The following PRMT3 variants were observed in gnomAD, a reference collection of about 807,000 sequenced individuals.
PRMT3 encodes the protein protein arginine methyltransferase 3.
In PRMT3, 62 loss-of-function variants were observed where a neutral mutation model predicts 71.9. The observed-to-expected ratio is 0.86, with a 90% CI of 0.70 to 1.07. The LOEUF (loss-of-function observed/expected upper bound fraction) is 1.07. Ranked by LOEUF, PRMT3 falls within the 50% of genes least tolerant of loss-of-function variation. The pLI is 0.00. For synonymous variants in PRMT3, 213 were observed against 220.4 expected, an observed-to-expected ratio of 0.97 and a Z score of 0.30; for missense variants, 663 against 643.0, an observed-to-expected ratio of 1.03 and a Z score of -0.34.
intron 13 of PRMT3, among the ~76,000 whole-genome samples, chr11:20,478,978 A>C (rs1850865022): frequency 6.6e-6 from 1 of 152,250 alleles, no homozygotes; most frequent in African/African-American, 2.4e-5. Flanking sequence ...CAATTATTAA[A>C]ACACATCTGT....
At chr11:20,413,255 T>G (rs1310841598) in intron 9 of PRMT3, among the ~76,000 whole-genome samples, 1 of 152,174 alleles carries the variant, frequency 6.6e-6, no homozygotes, top group African/African-American at 2.4e-5. Flanking sequence ...ATGCCTTCTA[T>G]TCCTCTGTGA....
chr11:20,471,326 T>C (rs776801710), intron 13 of PRMT3, among the ~76,000 whole-genome samples: 7 of 152,210 alleles, frequency 4.6e-5, no homozygotes, highest in African/African-American at 9.6e-5. Flanking sequence ...CTAGATTTTC[T>C]TCTGGGGTTT....
chr11:20,489,356 C>G (rs1194490318), intron 13 of PRMT3, among the ~76,000 whole-genome samples: 1 of 152,070 alleles, frequency 6.6e-6, no homozygotes, highest in African/African-American at 2.4e-5. Flanking sequence ...AAGATATATA[C>G]GTGAGACAAA....
At chr11:20,414,807 C>T (rs1849266765) in intron 9 of PRMT3, among the ~76,000 whole-genome samples, 1 of 152,062 alleles carries the variant, frequency 6.6e-6, no homozygotes, top group South Asian at 2.1e-4. Flanking sequence ...AGAAAGGAAA[C>T]ATTAAGAAAA....
At chr11:20,404,103 A>G (rs1849009950) in intron 8 of PRMT3, among the ~76,000 whole-genome samples, 1 of 151,434 alleles carries the variant, frequency 6.6e-6, no homozygotes, top group Non-Finnish European at 1.5e-5. Context: ...GCTGATTCCC[A>G]CCAGAGACAA....
At chr11:20,426,939 TTTAA>T (rs1324292144) in intron 10 of PRMT3, 74 bp downstream of exon 10, 3 of 1,436,478 alleles carry the variant, frequency 2.1e-6, no homozygotes, top group Admixed American at 3.7e-5. Context: ...TTTTCATGAA[TTTAA>T]TTATATTTGA....
chr11:20,423,462 G>A (rs1159630518), intron 9 of PRMT3, among the ~76,000 whole-genome samples: 3 of 152,102 alleles, frequency 2.0e-5, no homozygotes, highest in African/African-American at 7.2e-5. Context: ...TTTACATATT[G>A]TCTATTGCCT....
At chr11:20,419,707 G>T (rs1226328083) in intron 9 of PRMT3, among the ~76,000 whole-genome samples, 3 of 152,078 alleles carry the variant, frequency 2.0e-5, no homozygotes, top group African/African-American at 7.2e-5. Flanking sequence ...TGACCCAGTT[G>T]TCCTGGTCCC....
At chr11:20,455,873 A>G (rs1850257394) in intron 11 of PRMT3, among the ~76,000 whole-genome samples, 1 of 152,090 alleles carries the variant, frequency 6.6e-6, no homozygotes, top group African/African-American at 2.4e-5. Context: ...AGTTTAATCC[A>G]CACAATAAAT....
chr11:20,433,320 G>T (rs950417661), intron 10 of PRMT3, among the ~76,000 whole-genome samples: 2 of 152,006 alleles, frequency 1.3e-5, no homozygotes, highest in Non-Finnish European at 2.9e-5. Context: ...GTTTTCTGTT[G>T]CTGTATTAGT....
intron 15 of PRMT3, among the ~76,000 whole-genome samples, chr11:20,497,491 G>A (rs1434643524): frequency 1.7e-5 from 2 of 117,948 alleles, no homozygotes; most frequent in Non-Finnish European, 3.7e-5. Context: ...TCTTAGTTAT[G>A]GGAGTATAAA....
At chr11:20,420,704 CA>C (rs1348993074) in intron 9 of PRMT3, among the ~76,000 whole-genome samples, 3 of 152,098 alleles carry the variant, frequency 2.0e-5, no homozygotes, top group Non-Finnish European at 2.9e-5. Flanking sequence ...CCCCTGGTGC[CA>C]AAAAGGTTGG....
rs1848814286 is a variant in PRMT3, at chr11:20,395,878, T to C, written c.476T>C (p.Val159Ala). ...PNGLSENTSV[V>A]EKLKHMEARA... is the part of the protein sequence containing the mutation. ...GGACTCAGTGAAAATACATCTGTTG[T>C]TGAAAAATTGAAACATATGGAAGCC... The change falls in exon 6 of 16, where the codon GTT (valine) becomes GCT (alanine). Residue 159 changes from valine to alanine, a missense_variant. Physicochemically the swap from Val to Ala is moderately conservative, Grantham distance 64. Coordinates refer to ENST00000331079, the MANE Select transcript of PRMT3 (RefSeq NM_005788.4). 2 of 1,614,018 alleles carry C rather than the reference T, an allele frequency of 1.2e-6. No homozygotes were observed. The highest frequency in any genetic ancestry group is 2.7e-5 in the African/African-American group (2 of 74,918).
chr11:20,509,259 A>G lies in PRMT3; in HGVS notation c.*846A>G, dbSNP rs942392694. Reference sequence around the variant, plus strand: ...ATTTGAAATGTAGAATAAAATTTTAATAAAATGTATCAACTTATAAAATAT... The same window carrying G: ...ATTTGAAATGTAGAATAAAATTTTAGTAAAATGTATCAACTTATAAAATAT... On this transcript the variant is annotated 3_prime_UTR_variant, in exon 16 of 16. Coordinates refer to ENST00000331079, the MANE Select transcript of PRMT3 (RefSeq NM_005788.4). 1.7e-5 allele frequency: 1 copy of G among 60,490 alleles called. No homozygotes were observed. Among genetic ancestry groups the G allele is most frequent in the African/African-American group, 3.6e-5 (1 of 27,762 alleles). 3.7% of individuals were successfully genotyped at this position (60,490 alleles called of 1,614,324 possible).
At chr11:20,424,731 A>C (rs1245833289) in intron 9 of PRMT3, among the ~76,000 whole-genome samples, 1 of 152,244 alleles carries the variant, frequency 6.6e-6, no homozygotes, top group African/African-American at 2.4e-5. Context: ...TAAAAAATTA[A>C]GAACCAAGCC....
intron 9 of PRMT3, among the ~76,000 whole-genome samples, chr11:20,423,576 A>G (rs1335210775): frequency 6.6e-6 from 1 of 152,186 alleles, no homozygotes; most frequent in Non-Finnish European, 1.5e-5. Flanking sequence ...TTGCTAGTTC[A>G]TTGGTGATAT....
At chr11:20,422,810 G>C (rs1849456747) in intron 9 of PRMT3, among the ~76,000 whole-genome samples, 1 of 152,142 alleles carries the variant, frequency 6.6e-6, no homozygotes, top group African/African-American at 2.4e-5. Context: ...ATTACCAAGA[G>C]AGATTACCCA....
intron 9 of PRMT3, among the ~76,000 whole-genome samples, chr11:20,408,687 G>A (rs958768388): frequency 2.6e-5 from 4 of 152,174 alleles, no homozygotes; most frequent in Non-Finnish European, 5.9e-5. Context: ...CTTAACAAAA[G>A]CACCTTACAT....
intron 13 of PRMT3, among the ~76,000 whole-genome samples, chr11:20,465,323 TTATAG>T (rs1264689023): frequency 6.6e-6 from 1 of 152,022 alleles, no homozygotes; most frequent in Non-Finnish European, 1.5e-5. Flanking sequence ...AATCTGCTCC[TTATAG>T]TATGAGTTTA....
Sources: gnomAD v4.1 joint callset for allele counts (sites outside exome capture counted in the v4.1 genomes callset) on GRCh38, gnomAD v4.1.1 for gene constraint, MANE v1.5 for transcripts, NCBI Gene and HGNC (gene_info 2026-07-23, HGNC 2026-07-21) for gene names.